GRM5: variants seen among roughly 807,000 people sequenced by gnomAD.
GRM5 encodes glutamate metabotropic receptor 5, also known as metabotropic glutamate receptor 5.
A neutral mutation model predicts 83.1 loss-of-function variants in GRM5; 19 were observed. That is an observed-to-expected ratio of 0.23 (90% CI 0.16 to 0.34). GRM5 has a LOEUF of 0.34. Among genes scored for constraint, GRM5 ranks in the 10% least tolerant of loss-of-function variants. GRM5 has a pLI of 1.00. For missense variants in GRM5, 1,160 were observed against 1,588.3 expected (o/e 0.73, Z 4.58); for synonymous variants, 675 against 633.6 (o/e 1.07, Z -0.98).
chr11:89,052,470 T>G, intron 1 of GRM5, among the ~76,000 whole-genome samples: 1 of 152,294 alleles, frequency 6.6e-6, no homozygotes, highest in African/African-American at 2.4e-5. Context: ...TATGCAAGAC[T>G]TATATATTTC....
At chr11:89,007,163 CT>C (rs1940554019) in intron 2 of GRM5, among the ~76,000 whole-genome samples, 2 of 152,318 alleles carry the variant, frequency 1.3e-5, no homozygotes, top group South Asian at 2.1e-4. Flanking sequence ...CCACATGCCC[CT>C]ATCATAGGAT....
chr11:88,637,233 C>A (rs1011630245), intron 4 of GRM5, among the ~76,000 whole-genome samples: 4 of 152,096 alleles, frequency 2.6e-5, no homozygotes, highest in Non-Finnish European at 5.9e-5. Flanking sequence ...CCATTCAGGA[C>A]AAAGGCATGG....
At chr11:89,034,055 G>GA (rs397744728) in intron 2 of GRM5, among the ~76,000 whole-genome samples, 2 of 150,668 alleles carry the variant, frequency 1.3e-5, no homozygotes, top group African/African-American at 2.4e-5. Flanking sequence ...ATTATTATGA[G>GA]GTCGAATAGT....
chr11:88,974,413 A>ATAGATAGG (rs1555051757), intron 2 of GRM5, among the ~76,000 whole-genome samples: 88 of 151,798 alleles, frequency 5.8e-4, no homozygotes, highest in African/African-American at 2.1e-3. Context: ...AGATAGATAG[A>ATAGATAGG]TAGATAGATA....
intron 3 of GRM5, among the ~76,000 whole-genome samples, chr11:88,662,211 A>C (rs373070814): frequency 1.9e-4 from 29 of 152,294 alleles, no homozygotes; most frequent in African/African-American, 7.0e-4. Context: ...AACTAGCCTT[A>C]TAACTGAGGA....
At chr11:88,778,742 T>G (rs2135460178) in intron 3 of GRM5, among the ~76,000 whole-genome samples, 1 of 152,330 alleles carries the variant, frequency 6.6e-6, no homozygotes, top group South Asian at 2.1e-4. Context: ...CCCAGAGAAC[T>G]TATGATCAGT....
Position 88,506,740 on chromosome 11 carries a change from G to A in GRM5, c.*1852C>T, listed in dbSNP as rs1941192500. On this transcript the variant is annotated 3_prime_UTR_variant, in exon 10 of 10. Transcript: ENST00000305447. ...ACAAATAGCAGAAAAGAAAACTCAA[G>A]CAGAATATTTATTAGAATTTTTTAA... The A allele has an allele frequency of 1.3e-5, 2 of 152,044 alleles. No individual in the cohort carries two copies. The highest frequency in any genetic ancestry group is 4.8e-5 in the African/African-American group (2 of 41,370). The allele number at this position is 152,044 out of a possible 1,614,324, so 9.4% of individuals were successfully genotyped here.
chr11:88,933,925 C>T (rs181935938), intron 2 of GRM5, among the ~76,000 whole-genome samples: 96 of 151,738 alleles, frequency 6.3e-4, no homozygotes, highest in African/African-American at 2.2e-3. Context: ...TGAACCAGAC[C>T]TGGGCCTATT....
At chr11:88,606,153 A>C (rs1457858715) in intron 4 of GRM5, among the ~76,000 whole-genome samples, 5 of 152,218 alleles carry the variant, frequency 3.3e-5, no homozygotes, top group Non-Finnish European at 5.9e-5. Context: ...AATGACCAGC[A>C]CAGAGAGTAG....
In GRM5 at chr11:88,637,960, G is replaced by A. The variant is rs1031156818; in HGVS notation, c.1147+15208C>T. 1.3e-5 allele frequency among the ~76,000 whole-genome samples: 2 copies of A among 151,716 alleles called. 1 individual carries two copies. On this transcript the variant is annotated intron_variant, in intron 4 of 9. Transcript: ENST00000305447. ...GAAAATGTGGCACATATACACCATG[G>A]AATCCTACGCAGCCATAAAAAATGA...
chr11:88,640,554 C>T (rs1939261930), intron 4 of GRM5, among the ~76,000 whole-genome samples: 1 of 152,114 alleles, frequency 6.6e-6, no homozygotes, highest in Non-Finnish European at 1.5e-5. Flanking sequence ...TCAGATCCCA[C>T]AGGTTAATGG....
In GRM5 at chr11:88,850,090, C is replaced by A. The variant is rs199573699; in HGVS notation, c.727G>T (p.Ala243Ser). 12 of 1,430,480 alleles carry A rather than the reference C, an allele frequency of 8.4e-6. No homozygotes were observed. The highest frequency in any genetic ancestry group is 3.4e-5 in the South Asian group (3 of 87,444). 88.6% of individuals were successfully genotyped at this position (1,430,480 alleles called of 1,614,324 possible). ...TTACTGTAGATTTTGTAAGAGTGGG[C>A]GATGCAAATCCCTTCCTTCGCTGAC... ...DMSAKEGICI[A>S]HSYKIYSNAG... is the part of the protein sequence containing the mutation. Residue 243 changes from alanine to serine, a missense_variant, in exon 3 of 10, where the codon GCC (alanine) becomes TCC (serine). Ala to Ser is a moderately conservative substitution (Grantham distance 99). This residue lies in a region of GRM5 where 84 missense variants were observed against 231.0 expected (regional missense o/e 0.36). Transcript: ENST00000305447.
intron 6 of GRM5, among the ~76,000 whole-genome samples, chr11:88,593,491 C>G (rs978173284): frequency 2.8e-4 from 42 of 151,988 alleles, no homozygotes; most frequent in African/African-American, 7.7e-4. Context: ...TCCTGGCCAA[C>G]ATGGTGAAAC....
intron 3 of GRM5, among the ~76,000 whole-genome samples, chr11:88,763,919 CAG>C (rs1390343770): frequency 1.3e-5 from 2 of 151,578 alleles, no homozygotes; most frequent in Non-Finnish European, 3.0e-5. Flanking sequence ...AATTAAAGGA[CAG>C]AGATTGGCAG....
intron 2 of GRM5, among the ~76,000 whole-genome samples, chr11:88,875,747 A>G (rs623863): frequency 0.74 from 113,125 of 151,952 alleles, 42,860 homozygotes; most frequent in East Asian, 0.92. Flanking sequence ...TAATCTCCTT[A>G]TAATTTTTCA....
At chr11:88,535,045 C>T (rs1269668384) in intron 8 of GRM5, among the ~76,000 whole-genome samples, 1 of 152,142 alleles carries the variant, frequency 6.6e-6, no homozygotes, top group African/African-American at 2.4e-5. Context: ...ACTGTAAATC[C>T]AATTAAACCT....
chr11:88,593,842 G>A (rs999454645), intron 6 of GRM5, among the ~76,000 whole-genome samples: 13 of 147,704 alleles, frequency 8.8e-5, no homozygotes, highest in African/African-American at 3.0e-4. Flanking sequence ...CGCCCAGGCT[G>A]GAGTGCAGTG....
At chr11:88,957,961 CTTT>C (rs1938673321) in intron 2 of GRM5, among the ~76,000 whole-genome samples, 1 of 151,988 alleles carries the variant, frequency 6.6e-6, no homozygotes, top group Non-Finnish European at 1.5e-5. Flanking sequence ...ATTGTAGAAT[CTTT>C]TTAAGAACTA....
At chr11:88,622,614 G>A (rs572180011) in intron 4 of GRM5, among the ~76,000 whole-genome samples, 49 of 152,224 alleles carry the variant, frequency 3.2e-4, no homozygotes, top group African/African-American at 9.9e-4. Context: ...GGGTGGGGGC[G>A]GCAGACACCT....
Sources: gnomAD v4.1 joint callset for allele counts (sites outside exome capture counted in the v4.1 genomes callset) on GRCh38, gnomAD v4.1.1 for gene constraint, gnomAD v4.1.1 regional missense constraint, MANE v1.5 for transcripts, NCBI Gene and HGNC (gene_info 2026-07-23, HGNC 2026-07-21) for gene names.